PRR12: variants seen among roughly 807,000 people sequenced by gnomAD.
PRR12 encodes the protein proline-rich protein 12.
PRR12 carries 12 observed loss-of-function variants against 138.0 expected under a neutral mutation model. The observed-to-expected ratio is 0.09, with a 90% confidence interval of 0.06 to 0.14. The LOEUF (loss-of-function observed/expected upper bound fraction) is 0.14. Ranked by LOEUF, PRR12 falls within the 10% of genes least tolerant of loss-of-function variation. The pLI is 1.00. For synonymous variants in PRR12, 1,567 were observed against 1,291.7 expected (o/e 1.21, Z -4.57); for missense variants, 2,692 against 2,861.3 (o/e 0.94, Z 1.35).
chr19:49,620,679 G>C (rs1363682398), intron 10 of PRR12, among the ~76,000 whole-genome samples: 1 of 151,172 alleles, frequency 6.6e-6, no homozygotes, highest in Non-Finnish European at 1.5e-5. Context: ...GGAGGTCCCT[G>C]GGTCCTAGGG....
chr19:49,615,686 C>A, intron 8 of PRR12, 61 bp from the exon 9 acceptor site: 1 of 1,422,732 alleles, frequency 7.0e-7, no homozygotes, highest in South Asian at 1.2e-5. Flanking sequence ...AGCAGGGACC[C>A]TGAGGAGAAT....
chr19:49,593,221 C>G (rs2080741088), intron 1 of PRR12, 106 bp from the exon 2 acceptor site: 2 of 590,856 alleles, frequency 3.4e-6, no homozygotes. Context: ...ACACCCCCCA[C>G]CCCGGTCAGC....
In PRR12 at chr19:49,600,109, A is replaced by G. The variant is rs75150811; in HGVS notation, c.4345+171A>G. On this transcript the variant is annotated intron_variant, in intron 5 of 13. Coordinates refer to ENST00000418929, the MANE Select transcript of PRR12 (RefSeq NM_020719.3). Reference sequence around the variant, plus strand: ...TACACAAGCATTTTGAGGAAGGTCTATCTTTTTCTAATTCACTCAGAGGTG... The same window carrying G: ...TACACAAGCATTTTGAGGAAGGTCTGTCTTTTTCTAATTCACTCAGAGGTG... Among the ~76,000 whole-genome samples the G allele has an allele frequency of 4.8e-3, 730 of 152,354 alleles. 5 individuals carry two copies. The highest frequency in any genetic ancestry group is 8.1e-3 in the Non-Finnish European group (550 of 68,042).
In PRR12 at chr19:49,597,108, C is replaced by T; in HGVS notation, c.2773C>T (p.Arg925Cys). The T allele has an allele frequency of 1.9e-6, 3 of 1,550,978 alleles. No individual in the cohort carries two copies. Among genetic ancestry groups the T allele is most frequent in the Non-Finnish European group, 2.6e-6 (3 of 1,147,390 alleles). The part of the protein sequence containing the change: ...SPSPQGTKAP[R>C]FVPLTSICFP... ...CAGCCCGCAAGGCACCAAGGCGCCG[C>T]GTTTCGTGCCGCTCACCTCCATCTG... Residue 925 changes from arginine (R) to cysteine (C), a missense_variant, in exon 4 of 14, where the codon CGT becomes TGT. By Grantham distance (180) the Arg-to-Cys change is radical. This residue lies in a region of PRR12 where 840 missense variants were observed against 689.8 expected (regional missense o/e 1.22). Coordinates refer to ENST00000418929, the MANE Select transcript of PRR12 (RefSeq NM_020719.3). This position sits in a 1 kb window ranked among gnomAD's most constrained non-coding sequence, Gnocchi z 6.3.
Position 49,625,524 on chromosome 19 carries a change from C to A in PRR12, c.6028C>A (p.Arg2010=). 1 of 1,611,986 alleles carries A rather than the reference C, an allele frequency of 6.2e-7. No individual in the cohort carries two copies. The highest frequency in any genetic ancestry group is 8.5e-7 in the Non-Finnish European group (1 of 1,179,234). Reference sequence around the variant, plus strand: ...GGAGGAGGTGGTCCAGCAGTGCATGCGGAACCAGCCGTGGCTGGAACAGCT... The same window carrying A: ...GGAGGAGGTGGTCCAGCAGTGCATGAGGAACCAGCCGTGGCTGGAACAGCT... ...GQEEVVQQCM[R]NQPWLEQLFD... Residue 2010 remains arginine, a synonymous_variant, in exon 14 of 14, where the codon CGG becomes AGG. Coordinates refer to ENST00000418929, the MANE Select transcript of PRR12 (RefSeq NM_020719.3). The surrounding 1 kb of genome is among the most constrained non-coding windows in gnomAD (Gnocchi z 5.5).
intron 6 of PRR12, among the ~76,000 whole-genome samples, chr19:49,610,687 G>A (rs936098508): frequency 6.6e-6 from 1 of 151,694 alleles, no homozygotes; most frequent in Non-Finnish European, 1.5e-5. Context: ...GACCACAGGC[G>A]CCCGCCACCA....
intron 6 of PRR12, among the ~76,000 whole-genome samples, chr19:49,604,141 T>C (rs2080826459): frequency 6.6e-6 from 1 of 152,056 alleles, no homozygotes; most frequent in Admixed American, 6.6e-5. Flanking sequence ...CTTAAGTGTG[T>C]TTTTTGAGGC....
chr19:49,609,810 GTGAGTTCCATGGGTGCTGA>G (rs780751588), intron 6 of PRR12, among the ~76,000 whole-genome samples: 1 of 152,084 alleles, frequency 6.6e-6, no homozygotes, highest in Non-Finnish European at 1.5e-5. Flanking sequence ...GGGTGCAGGG[GTGAGTTCCATGGGTGCTGA>G]TGAAGACATT....
intron 5 of PRR12, 149 bp from the exon 6 acceptor site, chr19:49,601,342 G>A: frequency 1.7e-6 from 1 of 604,514 alleles, no homozygotes; most frequent in Non-Finnish European, 3.0e-6. Flanking sequence ...TAGGTCTCTG[G>A]AGAGACTCTG....
At chr19:49,600,036 TCAC>T in intron 5 of PRR12, 98 bp downstream of exon 5, 5 of 1,239,014 alleles carry the variant, frequency 4.0e-6, no homozygotes, top group Non-Finnish European at 4.4e-6. Context: ...GAGACACCAT[TCAC>T]ATACATGGTG....
At position 49,594,179 on chromosome 19, in the gene PRR12, T is replaced by G. The variant is rs1209410205; in HGVS notation, c.200-275T>G. Among the ~76,000 whole-genome samples, 3 of 152,204 alleles carry G rather than the reference T, an allele frequency of 2.0e-5. No homozygotes were observed. The highest frequency in any genetic ancestry group is 4.4e-5 in the Non-Finnish European group (3 of 68,036). ...TGCTCCTGGCTCTTTCGCTTCTAGA[T>G]TTTTCTACACTTTTGTCTACCATTT... On this transcript the variant is annotated intron_variant, in intron 2 of 13. Transcript: ENST00000418929. This position sits in a 1 kb window ranked among gnomAD's most constrained non-coding sequence, Gnocchi z 5.6.
intron 9 of PRR12, among the ~76,000 whole-genome samples, chr19:49,617,364 G>C (rs1013540928): frequency 6.6e-6 from 1 of 151,878 alleles, no homozygotes; most frequent in Non-Finnish European, 1.5e-5. Flanking sequence ...GTGGTGGCTC[G>C]CACCGGTAAT....
At chr19:49,598,834 C>T (rs1343092246) in intron 4 of PRR12, among the ~76,000 whole-genome samples, 2 of 152,074 alleles carry the variant, frequency 1.3e-5, no homozygotes, top group African/African-American at 2.4e-5. Context: ...AAAGGAAATT[C>T]TGGGTTTAGG....
intron 6 of PRR12, among the ~76,000 whole-genome samples, chr19:49,607,796 G>A (rs187631197): frequency 2.2e-3 from 336 of 151,816 alleles, no homozygotes; most frequent in African/African-American, 7.5e-3. Flanking sequence ...AAGCAGGTGA[G>A]TCACCTGAGG....
At chr19:49,593,984 C>T (rs2080747466) in intron 2 of PRR12, among the ~76,000 whole-genome samples, 1 of 152,008 alleles carries the variant, frequency 6.6e-6, no homozygotes, top group African/African-American at 2.4e-5. Context: ...TGATTGGCTC[C>T]TTCCCTTTTT....
At chr19:49,610,691 G>A (rs963389376) in intron 6 of PRR12, among the ~76,000 whole-genome samples, 5 of 151,922 alleles carry the variant, frequency 3.3e-5, no homozygotes, top group East Asian at 1.9e-4. Flanking sequence ...ACAGGCGCCC[G>A]CCACCACGTC....
At position 49,625,289 on chromosome 19, in the gene PRR12, C is replaced by G; in HGVS notation, c.5964+89C>G. ...CTGAGGGTCCAAGCCCAGCCCCATC[C>G]TGCCTCAGACCCAAGAGTTCAGGTC... is the stretch of plus-strand genomic sequence containing the variant. On this transcript the variant is annotated intron_variant, in intron 13 of 13. Coordinates refer to ENST00000418929, the MANE Select transcript of PRR12 (RefSeq NM_020719.3). This position sits in a 1 kb window ranked among gnomAD's most constrained non-coding sequence, Gnocchi z 5.5. The G allele has an allele frequency of 1.3e-6, 2 of 1,489,516 alleles. No individual in the cohort carries two copies. Among genetic ancestry groups the G allele is most frequent in the African/African-American group, 1.4e-5 (1 of 71,900 alleles). 92.3% of individuals were successfully genotyped at this position (1,489,516 alleles called of 1,614,324 possible). A position where few individuals can be genotyped will look rare whatever the true frequency, so the allele number is the denominator to read the frequency against.
intron 6 of PRR12, among the ~76,000 whole-genome samples, chr19:49,607,467 A>C (rs1468125477): frequency 2.0e-5 from 3 of 152,006 alleles, no homozygotes; most frequent in Non-Finnish European, 4.4e-5. Context: ...GCACTTTGGG[A>C]GTCCAAGGTG....
chr19:49,593,386 C>A lies in PRR12; in HGVS notation c.146C>A (p.Ala49Asp). Residue 49 changes from alanine to aspartate, a missense_variant, in exon 2 of 14, where the codon GCC (alanine) becomes GAC (aspartate). Transcript: ENST00000418929. ...HPETDILHRQ[A>D]YAAPHPLQSY... ...GAGACGGACATCTTACACCGCCAGG[C>A]CTATGCGGCCCCCCACCCACTGCAA... 6.2e-7 allele frequency: 1 copy of A among 1,612,328 alleles called. No homozygotes were observed. Among genetic ancestry groups the A allele is most frequent in the Non-Finnish European group, 8.5e-7 (1 of 1,179,310 alleles).
Sources: allele counts gnomAD v4.1 joint callset (sites outside exome capture counted in the v4.1 genomes callset), GRCh38; gene constraint gnomAD v4.1.1; regional missense constraint gnomAD v4.1.1; non-coding constraint Gnocchi (gnomAD v3.1); transcripts MANE v1.5; gene names NCBI Gene and HGNC (gene_info 2026-07-23, HGNC 2026-07-21).